RTL4: variants seen among roughly 807,000 people sequenced by gnomAD.
RTL4 encodes the protein retrotransposon Gag like 4.
Under a neutral mutation model 5.3 loss-of-function variants are expected in RTL4, and 4 were observed. The observed-to-expected ratio is 0.75, with a 90% CI of 0.37 to 1.72. RTL4 has a LOEUF of 1.72. Among genes scored for constraint, RTL4 ranks in the 40% most tolerant of loss-of-function variants. The pLI is 0.04. For synonymous variants in RTL4, 98 were observed against 87.3 expected, an observed-to-expected ratio of 1.12 and a Z score of -0.68; for missense variants, 260 against 227.1, an observed-to-expected ratio of 1.14 and a Z score of -0.93.
the RTL4 span, among the ~76,000 whole-genome samples, chrX:112,112,959 G>T: frequency 2.7e-5 from 3 of 111,589 alleles, no homozygotes; most frequent in African/African-American, 9.8e-5. Flanking sequence ...GGGTACAACT[G>T]GATATAGAGG....
the RTL4 span, among the ~76,000 whole-genome samples, chrX:112,393,161 G>GTTTTTTTTTTTTTTT: frequency 1.4e-5 from 1 of 71,328 alleles, no homozygotes. Flanking sequence ...TTTTTTTTTT[G>GTTTTTTTTTTTTTTT]TTTTTTTTTT....
the RTL4 span, among the ~76,000 whole-genome samples, chrX:112,388,698 A>G: frequency 2.7e-5 from 3 of 112,401 alleles, no homozygotes; most frequent in African/African-American, 9.7e-5. Flanking sequence ...AATTCGCTTT[A>G]TATGATGAAT....
the RTL4 span, among the ~76,000 whole-genome samples, chrX:112,400,351 C>T: frequency 9.0e-6 from 1 of 111,636 alleles, no homozygotes; most frequent in Non-Finnish European, 1.9e-5. Flanking sequence ...TCTGTAATAT[C>T]CGCTCTGACA....
At chrX:112,229,824 G>A in the RTL4 span, among the ~76,000 whole-genome samples, 1 of 112,104 alleles carries the variant, frequency 8.9e-6, no homozygotes, top group African/African-American at 3.2e-5. Context: ...GGTATCAGCA[G>A]CAGTGGCTGC....
chrX:112,346,059 C>A, the RTL4 span, among the ~76,000 whole-genome samples: 1 of 111,965 alleles, frequency 8.9e-6, no homozygotes, highest in Non-Finnish European at 1.9e-5. Context: ...CACACACATA[C>A]TTGCATAGAA....
the RTL4 span, among the ~76,000 whole-genome samples, chrX:112,182,683 T>C: frequency 1.3e-4 from 15 of 112,157 alleles, no homozygotes; most frequent in South Asian, 3.4e-3. Flanking sequence ...AGACCAAACC[T>C]ACATTTGATT....
the RTL4 span, among the ~76,000 whole-genome samples, chrX:112,118,805 C>T: frequency 1.8e-5 from 2 of 111,390 alleles, no homozygotes; most frequent in Non-Finnish European, 3.8e-5. Flanking sequence ...AACTTAGTTT[C>T]TTTTTTATCA....
the RTL4 span, among the ~76,000 whole-genome samples, chrX:112,406,557 C>T: frequency 9.0e-6 from 1 of 111,188 alleles, no homozygotes; most frequent in East Asian, 2.8e-4. Context: ...CCCACCATGC[C>T]CCCCCTCCAA....
At chrX:112,434,045 G>A in the RTL4 span, among the ~76,000 whole-genome samples, 3 of 99,442 alleles carry the variant, frequency 3.0e-5, no homozygotes, top group African/African-American at 7.5e-5. Flanking sequence ...TTATTGATTT[G>A]CGTATATTGA....
chrX:112,085,612 C>G, the RTL4 span, among the ~76,000 whole-genome samples: 3 of 111,735 alleles, frequency 2.7e-5, no homozygotes, highest in Non-Finnish European at 5.6e-5. Flanking sequence ...TCCTTGGCCT[C>G]TGTCTGTTAG....
the RTL4 span, among the ~76,000 whole-genome samples, chrX:112,241,841 A>C: frequency 8.9e-6 from 1 of 112,290 alleles, no homozygotes; most frequent in African/African-American, 3.2e-5. Context: ...CTAACATTTA[A>C]GTCTTTAATC....
chrX:112,131,476 G>A, the RTL4 span, among the ~76,000 whole-genome samples: 2 of 111,754 alleles, frequency 1.8e-5, no homozygotes, highest in Non-Finnish European at 3.8e-5. Context: ...CTGAGATTGA[G>A]CCATATAAGG....
the RTL4 span, among the ~76,000 whole-genome samples, chrX:112,143,163 G>A: frequency 1.8e-5 from 2 of 111,525 alleles, no homozygotes; most frequent in Non-Finnish European, 3.8e-5. Flanking sequence ...TGCTATTACT[G>A]AATATTTATA....
At chrX:112,383,165 T>C in the RTL4 span, among the ~76,000 whole-genome samples, 2 of 112,164 alleles carry the variant, frequency 1.8e-5, no homozygotes, top group Admixed American at 9.5e-5. Context: ...GTGTACCATA[T>C]GTTTATTCCC....
chrX:112,249,226 TG>T, the RTL4 span, among the ~76,000 whole-genome samples: 1 of 112,235 alleles, frequency 8.9e-6, no homozygotes, highest in Non-Finnish European at 1.9e-5. Flanking sequence ...GAAGTGCTGG[TG>T]GGTAACAAAC....
the RTL4 span, among the ~76,000 whole-genome samples, chrX:112,143,337 A>G: frequency 9.0e-6 from 1 of 111,206 alleles, no homozygotes; most frequent in Non-Finnish European, 1.9e-5. Context: ...ATTTTAAATA[A>G]GTAGGTCTCA....
chrX:112,349,895 A>T, the RTL4 span, among the ~76,000 whole-genome samples: 1 of 109,890 alleles, frequency 9.1e-6, no homozygotes, highest in Non-Finnish European at 1.9e-5. Flanking sequence ...AACTTCCAAC[A>T]CTATGTTAAA....
At chrX:112,214,722 G>A in the RTL4 span, among the ~76,000 whole-genome samples, 3 of 111,601 alleles carry the variant, frequency 2.7e-5, no homozygotes, top group African/African-American at 6.5e-5. Flanking sequence ...TTCTAACAAC[G>A]TGAGGTGATA....
At chrX:112,206,896 C>A in the RTL4 span, among the ~76,000 whole-genome samples, 2 of 111,742 alleles carry the variant, frequency 1.8e-5, no homozygotes, top group Admixed American at 1.9e-4. Flanking sequence ...CTTAATGGCA[C>A]TACTAAGCAC....
Sources: allele counts gnomAD v4.1 joint callset (sites outside exome capture counted in the v4.1 genomes callset), GRCh38; gene constraint gnomAD v4.1.1; transcripts MANE v1.5; gene names NCBI Gene and HGNC (gene_info 2026-07-23, HGNC 2026-07-21).